PLCB1: variants seen among roughly 807,000 people sequenced by gnomAD.
PLCB1 encodes 1-phosphatidylinositol 4,5-bisphosphate phosphodiesterase beta-1.
PLCB1 carries 46 observed loss-of-function variants against 161.8 expected under a neutral mutation model. The observed-to-expected ratio is 0.28, with a 90% confidence interval of 0.22 to 0.36. The LOEUF (loss-of-function observed/expected upper bound fraction) is 0.36. PLCB1 is among the 10% of genes least tolerant of loss of function. The pLI is 1.00. For synonymous variants in PLCB1, 517 were observed against 503.7 expected (o/e 1.03, Z -0.35); for missense variants, 1,016 against 1,472.5 (o/e 0.69, Z 5.07).
At chr20:8,165,307 C>G (rs73895537) in intron 2 of PLCB1, among the ~76,000 whole-genome samples, 5,722 of 152,244 alleles carry the variant, frequency 0.038, 355 homozygotes, top group African/African-American at 0.13. Flanking sequence ...TATTAATAAA[C>G]TGTTGTGCTG....
rs773829881 is a variant in PLCB1, at chr20:8,757,140, A to G, written c.2618A>G (p.Lys873Arg). The part of the protein sequence containing the change: ...GVNHTTTLTP[K>R]PPSQALHSQP... ...AATCACACTACAACCCTGACACCCAAGCCACCCTCCCAGGCTCTCCACAGC... is the reference window on the plus strand; with the variant it reads ...AATCACACTACAACCCTGACACCCAGGCCACCCTCCCAGGCTCTCCACAGC... The change falls in exon 24 of 32, where the codon AAG becomes AGG. Residue 873 changes from lysine (K) to arginine (R), a missense_variant. This residue lies in a region of PLCB1 where 398 missense variants were observed against 445.4 expected (regional missense o/e 0.89). Coordinates refer to ENST00000338037, the MANE Select transcript of PLCB1 (RefSeq NM_015192.4). The G allele has an allele frequency of 1.2e-6, 2 of 1,613,352 alleles. No individual in the cohort carries two copies. Among genetic ancestry groups the G allele is most frequent in the African/African-American group, 1.3e-5 (1 of 75,032 alleles).
intron 2 of PLCB1, among the ~76,000 whole-genome samples, chr20:8,309,149 T>C (rs1984274012): frequency 6.6e-6 from 1 of 152,204 alleles, no homozygotes; most frequent in Non-Finnish European, 1.5e-5. Flanking sequence ...TCTCTGGTTT[T>C]ATACAACAGT....
At chr20:8,708,781 T>A (rs745957872) in intron 12 of PLCB1, 29 bp downstream of exon 12, 2 of 1,384,164 alleles carry the variant, frequency 1.4e-6, no homozygotes, top group Non-Finnish European at 2.1e-6. Flanking sequence ...CAGGAATGAG[T>A]CTTTTTCCCG....
chr20:8,141,545 C>T (rs1282806803), intron 1 of PLCB1, among the ~76,000 whole-genome samples: 2 of 150,624 alleles, frequency 1.3e-5, no homozygotes, highest in African/African-American at 4.9e-5. Context: ...ATCACTTAAA[C>T]CCAGGAGGCA....
intron 3 of PLCB1, among the ~76,000 whole-genome samples, chr20:8,575,546 C>T (rs965364264): frequency 1.3e-5 from 2 of 152,212 alleles, no homozygotes; most frequent in Non-Finnish European, 2.9e-5. Flanking sequence ...CAGGCAATGA[C>T]CCTGCCTTAG....
chr20:8,486,481 A>ATTTTTTT lies in PLCB1; in HGVS notation c.246+115051_246+115057dup, dbSNP rs71183092. Among the ~76,000 whole-genome samples the ATTTTTTT allele has an allele frequency of 5.8e-5, 5 of 85,810 alleles. 1 individual carries two copies. The highest frequency in any genetic ancestry group is 2.3e-4 in the African/African-American group (5 of 21,836). The allele number at this position is 85,810 out of a possible 152,430, so 56.3% of individuals were successfully genotyped here. On this transcript the variant is annotated intron_variant, in intron 3 of 31. Transcript: ENST00000338037. ...CTCTCAGCTGCTTTTATTCCAAAAT[A>ATTTTTTT]TTTTTTTTTTTTTTTTTTTTTTTTT...
chr20:8,852,342 G>A (rs1354591269), intron 31 of PLCB1, among the ~76,000 whole-genome samples: 1 of 152,120 alleles, frequency 6.6e-6, no homozygotes, highest in Non-Finnish European at 1.5e-5. Flanking sequence ...AATCCTCCAG[G>A]ACAGAGTTGA....
At chr20:8,768,833 A>G (rs766918834) in intron 26 of PLCB1, among the ~76,000 whole-genome samples, 2 of 152,234 alleles carry the variant, frequency 1.3e-5, no homozygotes, top group Non-Finnish European at 2.9e-5. Flanking sequence ...CTATCTCTAT[A>G]CAACAAAACA....
intron 3 of PLCB1, among the ~76,000 whole-genome samples, chr20:8,409,680 C>A (rs991588041): frequency 6.6e-6 from 1 of 151,958 alleles, no homozygotes; most frequent in African/African-American, 2.4e-5. Context: ...CCAGGCTGGT[C>A]CCAAACTCCT....
chr20:8,376,654 C>T (rs910615370), intron 3 of PLCB1, among the ~76,000 whole-genome samples: 21 of 152,240 alleles, frequency 1.4e-4, no homozygotes, highest in Admixed American at 1.1e-3. Context: ...ATCAGCCGGG[C>T]GCAGTGGCTC....
rs577915443 is a variant in PLCB1 at position 8,415,706 on chromosome 20, C to T, written c.246+44256C>T. Among the ~76,000 whole-genome samples, 18 of 152,258 alleles carry T rather than the reference C, an allele frequency of 1.2e-4. No individual in the cohort carries two copies. In the South Asian group the frequency reaches 2.9e-3, roughly 25 times the overall value. ...CTGTGCACCTAAGCTGCAGGAGTCA[C>T]CTTAGATGGTGGACATGGTGTAGGA... On this transcript the variant is annotated intron_variant, in intron 3 of 31. Coordinates refer to ENST00000338037, the MANE Select transcript of PLCB1 (RefSeq NM_015192.4).
intron 7 of PLCB1, chr20:8,651,344 C>T (rs778767807): frequency 7.8e-5 from 53 of 676,698 alleles, no homozygotes; most frequent in Middle Eastern, 2.4e-4. Context: ...CAGCAAAGTT[C>T]ATTAACAACT....
At chr20:8,859,288 A>G (rs1326279258) in intron 31 of PLCB1, among the ~76,000 whole-genome samples, 2 of 152,254 alleles carry the variant, frequency 1.3e-5, no homozygotes, top group Non-Finnish European at 2.9e-5. Flanking sequence ...TGTTCCAAAT[A>G]GTTCAGTCTA....
At chr20:8,149,885 T>G (rs1302572569) in intron 1 of PLCB1, among the ~76,000 whole-genome samples, 1 of 152,184 alleles carries the variant, frequency 6.6e-6, no homozygotes, top group East Asian at 1.9e-4. Flanking sequence ...TATGTTTTAC[T>G]CTATTACAAT....
intron 2 of PLCB1, among the ~76,000 whole-genome samples, chr20:8,209,048 A>G (rs2123140558): frequency 6.6e-6 from 1 of 152,234 alleles, no homozygotes; most frequent in East Asian, 1.9e-4. Flanking sequence ...GTTATCTTTG[A>G]AGAGGATGAT....
At chr20:8,555,933 C>T (rs1220541813) in intron 3 of PLCB1, among the ~76,000 whole-genome samples, 2 of 151,686 alleles carry the variant, frequency 1.3e-5, no homozygotes, top group African/African-American at 4.8e-5. Context: ...ATTTTAAAAT[C>T]GTTTTAGACT....
rs1257821862 is a variant in PLCB1 at position 8,788,699 on chromosome 20, C to A, written c.3255C>A (p.Ser1085=). ...KRQEKITEAK[S]KDKSQMEEEK... ...AGGAGAAGATAACAGAAGCTAAATC[C>A]AAAGACAAAAGTCAGATGGAAGAGT... Residue 1085 remains serine (S), a synonymous_variant, in exon 29 of 32, where the codon TCC becomes TCA. Coordinates refer to ENST00000338037, the MANE Select transcript of PLCB1 (RefSeq NM_015192.4). 1 of 1,609,596 alleles carries A rather than the reference C, an allele frequency of 6.2e-7. No individual in the cohort carries two copies. The highest frequency in any genetic ancestry group is 1.7e-4 in the Middle Eastern group (1 of 6,042).
intron 1 of PLCB1, among the ~76,000 whole-genome samples, chr20:8,135,614 A>G (rs2051337209): frequency 6.6e-6 from 1 of 152,162 alleles, no homozygotes; most frequent in African/African-American, 2.4e-5. Context: ...GGGAGTCCCC[A>G]GGGTCTGTGG....
At chr20:8,382,419 A>G (rs1334368674) in intron 3 of PLCB1, among the ~76,000 whole-genome samples, 1 of 149,828 alleles carries the variant, frequency 6.7e-6, no homozygotes, top group East Asian at 2.0e-4. Flanking sequence ...AGTAGCTGGG[A>G]CTACAGGTGC....
Sources: gnomAD v4.1 joint callset for allele counts (sites outside exome capture counted in the v4.1 genomes callset) on GRCh38, gnomAD v4.1.1 for gene constraint, gnomAD v4.1.1 regional missense constraint, MANE v1.5 for transcripts, NCBI Gene and HGNC (gene_info 2026-07-23, HGNC 2026-07-21) for gene names.